Variants in GPR149 observed in about 807,000 individuals in gnomAD.
GPR149 encodes G protein-coupled receptor 149.
GPR149 carries 50 observed loss-of-function variants against 50.2 expected under a neutral mutation model. That is an observed-to-expected ratio of 1.00 (90% confidence interval 0.79 to 1.26). The LOEUF is 1.26. Ranked by LOEUF, GPR149 falls within the 50% of genes most tolerant of loss-of-function variation. GPR149 has a pLI of 0.00. For missense variants in GPR149, 983 were observed against 895.4 expected (o/e 1.10, Z -1.25); for synonymous variants, 405 against 358.2 (o/e 1.13, Z -1.48).
intron 2 of GPR149, among the ~76,000 whole-genome samples, chr3:154,424,051 C>T (rs1712228562): frequency 6.6e-6 from 1 of 151,720 alleles, no homozygotes; most frequent in African/African-American, 2.4e-5. Flanking sequence ...CAGCTCCAGC[C>T]AGTTGTGGGG....
At chr3:154,357,649 A>G (rs934453815) in intron 3 of GPR149, among the ~76,000 whole-genome samples, 10 of 152,232 alleles carry the variant, frequency 6.6e-5, no homozygotes, top group African/African-American at 1.4e-4. Context: ...AACAGGTGCT[A>G]GAGAGGATGT....
At chr3:154,386,218 A>G (rs999745279) in intron 3 of GPR149, among the ~76,000 whole-genome samples, 3 of 152,198 alleles carry the variant, frequency 2.0e-5, no homozygotes, top group Non-Finnish European at 4.4e-5. Context: ...AAGAGGTCTA[A>G]CAATAGTTGT....
At chr3:154,412,817 A>G (rs1248833696) in intron 3 of GPR149, among the ~76,000 whole-genome samples, 2 of 151,996 alleles carry the variant, frequency 1.3e-5, no homozygotes, top group African/African-American at 4.8e-5. Flanking sequence ...AAATTCTTGT[A>G]TAACCAAAAA....
chr3:154,377,776 T>C (rs1714827382), intron 3 of GPR149, among the ~76,000 whole-genome samples: 1 of 152,160 alleles, frequency 6.6e-6, no homozygotes, highest in African/African-American at 2.4e-5. Flanking sequence ...TTTATAGAGT[T>C]GTGAAACCAT....
At chr3:154,428,526 C>T in intron 1 of GPR149, 109 bp downstream of exon 1, 5 of 1,244,072 alleles carry the variant, frequency 4.0e-6, no homozygotes, top group Non-Finnish European at 4.5e-6. Context: ...TGGAAGCGGA[C>T]TTCACTGTGT....
intron 3 of GPR149, among the ~76,000 whole-genome samples, chr3:154,348,763 T>C (rs950920726): frequency 6.6e-6 from 1 of 152,162 alleles, no homozygotes; most frequent in African/African-American, 2.4e-5. Context: ...TCAACATTTG[T>C]AGAAAATGTT....
intron 3 of GPR149, among the ~76,000 whole-genome samples, chr3:154,405,018 T>C (rs1711646494): frequency 6.6e-6 from 1 of 152,186 alleles, no homozygotes; most frequent in Non-Finnish European, 1.5e-5. Flanking sequence ...TATTCAACAA[T>C]GTTTTAGGAG....
At chr3:154,407,408 A>G (rs1711722829) in intron 3 of GPR149, among the ~76,000 whole-genome samples, 1 of 152,056 alleles carries the variant, frequency 6.6e-6, no homozygotes. Flanking sequence ...ATTTTTTCCT[A>G]CAGGGGTGTG....
chr3:154,416,427 A>T (rs1486720609), intron 3 of GPR149, among the ~76,000 whole-genome samples: 1 of 151,860 alleles, frequency 6.6e-6, no homozygotes, highest in Non-Finnish European at 1.5e-5. Context: ...CAAAATCTGC[A>T]TTTTAATAAG....
chr3:154,422,028 A>G (rs138644356), intron 2 of GPR149, among the ~76,000 whole-genome samples: 18 of 151,686 alleles, frequency 1.2e-4, no homozygotes, highest in African/African-American at 3.4e-4. Flanking sequence ...TAAAAATTAG[A>G]CTATACTGCA....
intron 3 of GPR149, among the ~76,000 whole-genome samples, chr3:154,350,435 G>A (rs1348174888): frequency 2.0e-5 from 3 of 152,020 alleles, no homozygotes; most frequent in Admixed American, 2.0e-4. Flanking sequence ...AAAAAATGCA[G>A]TACCATTTAC....
Position 154,428,916 on chromosome 3 carries a change from G to A in GPR149, c.700C>T (p.Arg234Cys), listed in dbSNP as rs770660963. ...RLHSNYQEIS[R>C]GASIPGTPPT... ...GGGGTCCCAGGAATTGAAGCTCCAC[G>A]GGAAATTTCCTGGTAGTTGGAGTGG... is the stretch of plus-strand genomic sequence containing the variant. The change falls in exon 1 of 4, where the codon CGT becomes TGT. Residue 234 changes from arginine to cysteine, a missense_variant. Physicochemically the swap from Arg to Cys is radical, Grantham distance 180 (BLOSUM62 -3). Coordinates refer to ENST00000389740, the MANE Select transcript of GPR149 (RefSeq NM_001038705.3). The A allele has an allele frequency of 1.2e-6, 2 of 1,614,074 alleles. No homozygotes were observed. The highest frequency in any genetic ancestry group is 1.7e-6 in the Non-Finnish European group (2 of 1,179,988).
intron 3 of GPR149, among the ~76,000 whole-genome samples, chr3:154,386,960 G>A (rs911097891): frequency 8.6e-6 from 1 of 116,462 alleles, no homozygotes; most frequent in South Asian, 3.6e-4. Context: ...AGGAGCTAAA[G>A]TATATTTTTC....
At chr3:154,413,511 C>T (rs1711899160) in intron 3 of GPR149, among the ~76,000 whole-genome samples, 1 of 151,906 alleles carries the variant, frequency 6.6e-6, no homozygotes, top group African/African-American at 2.4e-5. Context: ...ATAGACAATT[C>T]TCAAAAGAGG....
rs1491115986 is a variant in GPR149, at chr3:154,388,868, A to AC, written c.1623+32170_1623+32171insG. On this transcript the variant is annotated intron_variant, in intron 3 of 3. Transcript: ENST00000389740. ...GTTATGGTAACATTTCACACATATGAAAAACACACACACACACACACACAC... is the reference window on the plus strand; with the variant it reads ...GTTATGGTAACATTTCACACATATGACAAAACACACACACACACACACACAC... 6.5e-5 allele frequency among the ~76,000 whole-genome samples: 8 copies of AC among 123,452 alleles called. No homozygotes were observed. In the East Asian group the frequency reaches 2.5e-3, roughly 38 times the overall value. The allele number at this position is 123,452 out of a possible 152,430, so 81.0% of individuals were successfully genotyped here.
At position 154,429,209 on chromosome 3, in the gene GPR149, C is replaced by T; in HGVS notation, c.407G>A (p.Arg136Lys). 6.2e-7 allele frequency: 1 copy of T among 1,614,176 alleles called. No individual in the cohort carries two copies. The highest frequency in any genetic ancestry group is 8.5e-7 in the Non-Finnish European group (1 of 1,180,046). Residue 136 changes from arginine to lysine, a missense_variant, in exon 1 of 4, where the codon AGA becomes AAA. Coordinates refer to ENST00000389740, the MANE Select transcript of GPR149 (RefSeq NM_001038705.3). ...LVSYNFYTMH[R>K]GVGSQTASRR... ...GGAGGCTGTCTGGCTCCCCACACCT[C>T]TGTGCATCGTATAAAAGTTGTAAGA...
chr3:154,339,889 G>A (rs949896104), intron 3 of GPR149, among the ~76,000 whole-genome samples: 65 of 143,918 alleles, frequency 4.5e-4, no homozygotes, highest in African/African-American at 1.2e-3. Context: ...TCCTGAGTTC[G>A]TGCCATTCTC....
rs767300071 is a variant in GPR149 at position 154,429,050 on chromosome 3, G to C, written c.566C>G (p.Ser189Cys). The C allele has an allele frequency of 1.9e-5, 31 of 1,613,884 alleles. No individual in the cohort carries two copies. In the East Asian group the frequency reaches 6.7e-4, roughly 35 times the overall value. The change falls in exon 1 of 4, where the codon TCC becomes TGC. Residue 189 changes from serine (S) to cysteine (C), a missense_variant. Ser to Cys is a moderately radical substitution (Grantham distance 112). Coordinates refer to ENST00000389740, the MANE Select transcript of GPR149 (RefSeq NM_001038705.3). ...PWGCLVDCSSSYVLFLSIVYA... is the reference protein window; with the variant it reads ...PWGCLVDCSSCYVLFLSIVYA... ...CACGATAGAGAGGAATAGTACGTAGGAGCTGGAGCAGTCCACCAGGCAGCC... is the reference window on the plus strand; with the variant it reads ...CACGATAGAGAGGAATAGTACGTAGCAGCTGGAGCAGTCCACCAGGCAGCC...
At chr3:154,343,974 C>T (rs1713862806) in intron 3 of GPR149, among the ~76,000 whole-genome samples, 1 of 151,730 alleles carries the variant, frequency 6.6e-6, no homozygotes, top group African/African-American at 2.4e-5. Flanking sequence ...GAGACCTTGT[C>T]CCCACCGCCC....
Sources: allele counts gnomAD v4.1 joint callset (sites outside exome capture counted in the v4.1 genomes callset), GRCh38; gene constraint gnomAD v4.1.1; transcripts MANE v1.5; gene names NCBI Gene and HGNC (gene_info 2026-07-23, HGNC 2026-07-21).